The following ZNF202 variants were observed in gnomAD, a reference collection of about 807,000 sequenced individuals.
The protein encoded by ZNF202 is zinc finger protein 202.
ZNF202 carries 22 observed loss-of-function variants against 54.5 expected under a neutral mutation model. That is an observed-to-expected ratio of 0.40 (90% confidence interval 0.29 to 0.58). The LOEUF is 0.58. ZNF202 is among the 20% of genes least tolerant of loss of function. The pLI is 0.39. For missense variants in ZNF202, 644 were observed against 805.5 expected (o/e 0.80, Z 2.43); for synonymous variants, 294 against 301.4 (o/e 0.98, Z 0.26).
chr11:123,729,757 C>T lies in ZNF202; in HGVS notation c.471G>A (p.Glu157=), dbSNP rs770977837. The T allele has an allele frequency of 4.3e-6, 7 of 1,614,048 alleles. No homozygotes were observed. In the Admixed American group the frequency reaches 1.0e-4, roughly 23 times the overall value. ...EETVHLGVEP[E]SPNELQDPVQ... ...CAGGATCCTGCAGCTCATTAGGTGA[C>T]TCAGGCTCCACTCCTAAATGCACCG... The change falls in exon 5 of 9, where the codon GAG becomes GAA. Residue 157 remains glutamate, a synonymous_variant. Transcript: ENST00000530393.
At chr11:123,739,054 G>C (rs1557428) in intron 3 of ZNF202, 150,450 of 152,356 alleles carry the variant, frequency 0.99, 74,291 homozygotes, top group Middle Eastern at 1. Flanking sequence ...ACCACTTTGT[G>C]GAGCCCTTAG....
At chr11:123,736,182 C>T (rs567795894) in intron 3 of ZNF202, among the ~76,000 whole-genome samples, 3 of 152,298 alleles carry the variant, frequency 2.0e-5, no homozygotes, top group Admixed American at 1.3e-4. Context: ...CTTACAAGAA[C>T]AGAAAACCAC....
Position 123,726,741 on chromosome 11 carries a change from C to A in ZNF202, c.1203G>T (p.Val401=). The change falls in exon 9 of 9, where the codon GTG becomes GTT. Residue 401 remains valine, a synonymous_variant. Transcript: ENST00000530393. This position sits in a 1 kb window ranked among gnomAD's most constrained non-coding sequence, Gnocchi z 6.0. ...AGTTACAAGTGAAGCTCTTTCCACA[C>A]ACAGAACAGTCATGATGCCTCCCTA... ...PLLGRHHDCS[V]CGKSFTCNSH... 6.2e-7 allele frequency: 1 copy of A among 1,614,234 alleles called. No homozygotes were observed. The highest frequency in any genetic ancestry group is 8.5e-7 in the Non-Finnish European group (1 of 1,180,050).
In ZNF202 at chr11:123,730,044, C is replaced by T. The variant is rs376560525; in HGVS notation, c.403-219G>A. Among the ~76,000 whole-genome samples, 2 of 152,122 alleles carry T rather than the reference C, an allele frequency of 1.3e-5. No individual in the cohort carries two copies. Among genetic ancestry groups the T allele is most frequent in the East Asian group, 1.9e-4 (1 of 5,172 alleles). Reference sequence around the variant, plus strand: ...GCGCAGGCCTGCACTGCTCTCTCACCACCCCCAGCCTGGGCCCCTGTCACC... The same window carrying T: ...GCGCAGGCCTGCACTGCTCTCTCACTACCCCCAGCCTGGGCCCCTGTCACC... On this transcript the variant is annotated intron_variant, in intron 4 of 8. Coordinates refer to ENST00000530393, the MANE Select transcript of ZNF202 (RefSeq NM_003455.4). The surrounding 1 kb of genome is among the most constrained non-coding windows in gnomAD (Gnocchi z 6.0).
chr11:123,731,225 T>C (rs2282641), intron 3 of ZNF202, among the ~76,000 whole-genome samples: 4 of 152,220 alleles, frequency 2.6e-5, no homozygotes. Context: ...AATACTGCAT[T>C]TCCACTTCAC....
Position 123,730,805 on chromosome 11 carries a change from G to C in ZNF202, c.84C>G (p.Thr28=), listed in dbSNP as rs778632986. The stretch of plus-strand genomic sequence containing the variant: ...TCTGTAAGACAGACTCTGGCCGACA[G>C]GTGAAATCATCTTCCAGTTTCACCA... ...ILMVKLEDDF[T]CRPESVLQRD... The change falls in exon 4 of 9, where the codon ACC becomes ACG. Residue 28 remains threonine (T), a synonymous_variant. Coordinates refer to ENST00000530393, the MANE Select transcript of ZNF202 (RefSeq NM_003455.4). The surrounding 1 kb of genome is among the most constrained non-coding windows in gnomAD (Gnocchi z 6.0). The C allele has an allele frequency of 6.2e-7, 1 of 1,614,192 alleles. No individual in the cohort carries two copies. Among genetic ancestry groups the C allele is most frequent in the Non-Finnish European group, 8.5e-7 (1 of 1,180,042 alleles).
chr11:123,737,676 C>T (rs1026082825), intron 3 of ZNF202, among the ~76,000 whole-genome samples: 4 of 86,130 alleles, frequency 4.6e-5, no homozygotes, highest in Non-Finnish European at 1.0e-4. Context: ...TGTAACAATT[C>T]ACTTTATTCT....
intron 3 of ZNF202, 105 bp downstream of exon 3, chr11:123,740,012 G>C (rs1006983347): frequency 6.6e-6 from 1 of 152,128 alleles, no homozygotes; most frequent in Non-Finnish European, 1.5e-5. Flanking sequence ...CAAACTAAAG[G>C]GTTTGCTGGT....
chr11:123,738,125 C>G (rs1421816797), intron 3 of ZNF202, among the ~76,000 whole-genome samples: 1 of 152,178 alleles, frequency 6.6e-6, no homozygotes, highest in Non-Finnish European at 1.5e-5. Flanking sequence ...CATCCTCCCA[C>G]CCCAGCCTCC....
chr11:123,734,117 G>C (rs950951857), intron 3 of ZNF202, among the ~76,000 whole-genome samples: 3 of 151,844 alleles, frequency 2.0e-5, no homozygotes, highest in Non-Finnish European at 2.9e-5. Flanking sequence ...GAGAGAGAGA[G>C]AGAGACAGAC....
At chr11:123,732,080 C>T (rs569757018) in intron 3 of ZNF202, among the ~76,000 whole-genome samples, 5 of 152,290 alleles carry the variant, frequency 3.3e-5, no homozygotes, top group Middle Eastern at 3.4e-3. Flanking sequence ...CTCCTTTCCA[C>T]GCTACATGGT....
chr11:123,729,071 T>C (rs371409819), intron 6 of ZNF202, 55 bp downstream of exon 6: 103 of 1,573,342 alleles, frequency 6.5e-5, no homozygotes, highest in Non-Finnish European at 2.5e-5. Flanking sequence ...GTATGGCTTA[T>C]GCCCAGTGGT....
At chr11:123,739,795 G>A (rs1396871015) in intron 3 of ZNF202, among the ~76,000 whole-genome samples, 1 of 152,182 alleles carries the variant, frequency 6.6e-6, no homozygotes, top group East Asian at 1.9e-4. Context: ...TTCTCAAAGT[G>A]AAGAACCCAG....
chr11:123,728,068 C>T, intron 7 of ZNF202, 65 bp downstream of exon 7: 1 of 1,560,308 alleles, frequency 6.4e-7, no homozygotes, highest in Non-Finnish European at 8.7e-7. Flanking sequence ...TAAGATCCCC[C>T]AAAATTTCCA....
Position 123,731,272 on chromosome 11 carries a change from G to A in ZNF202, c.-97-287C>T, listed in dbSNP as rs75856150. ...ATTCCCCCGCTTAAGTCTCCAAACC[G>A]GTTCCCTTCTCTTCCTTCCTACAGA... On this transcript the variant is annotated intron_variant, in intron 3 of 8. Transcript: ENST00000530393. Among the ~76,000 whole-genome samples the A allele has an allele frequency of 4.6e-3, 698 of 152,184 alleles. 4 individuals carry two copies. The highest frequency in any genetic ancestry group is 0.016 in the African/African-American group (647 of 41,498).
intron 3 of ZNF202, among the ~76,000 whole-genome samples, chr11:123,734,439 T>C (rs1181340845): frequency 6.6e-6 from 1 of 152,216 alleles, no homozygotes; most frequent in Non-Finnish European, 1.5e-5. Flanking sequence ...TTCTTTTCTA[T>C]ACCCTCCCTG....
intron 8 of ZNF202, 127 bp downstream of exon 8, chr11:123,727,349 G>C: frequency 7.6e-7 from 1 of 1,309,358 alleles, no homozygotes; most frequent in Non-Finnish European, 1.0e-6. Context: ...GGCTGTCAGA[G>C]GGAGAAAGCA....
chr11:123,737,048 CA>C (rs759469080), intron 3 of ZNF202, among the ~76,000 whole-genome samples: 2 of 147,402 alleles, frequency 1.4e-5, no homozygotes, highest in Admixed American at 6.7e-5. Flanking sequence ...CATGCTAAAC[CA>C]AAAAAAAAAT....
chr11:123,732,788 C>G (rs1861466941), intron 3 of ZNF202, among the ~76,000 whole-genome samples: 1 of 152,134 alleles, frequency 6.6e-6, no homozygotes. Context: ...AAAGCTTCTT[C>G]CTATGGTAAC....
Sources: allele counts gnomAD v4.1 joint callset (sites outside exome capture counted in the v4.1 genomes callset), GRCh38; gene constraint gnomAD v4.1.1; non-coding constraint Gnocchi (gnomAD v3.1); transcripts MANE v1.5; gene names NCBI Gene and HGNC (gene_info 2026-07-23, HGNC 2026-07-21).